The following ZNF215 variants were observed in gnomAD, a reference collection of about 807,000 sequenced individuals.
ZNF215 encodes the protein zinc finger protein 215.
Under a neutral mutation model 27.2 loss-of-function variants are expected in ZNF215, and 24 were observed. The ratio of observed to expected loss-of-function variants is 0.88; its 90% CI spans 0.64 to 1.24. The LOEUF (loss-of-function observed/expected upper bound fraction) is 1.24, where lower values mean the gene tolerates loss of function less well. ZNF215 is among the 50% of genes most tolerant of loss of function. The pLI, the probability that ZNF215 is intolerant of heterozygous loss-of-function variation, is 0.00. For missense variants in ZNF215, 675 were observed against 605.7 expected, an observed-to-expected ratio of 1.11 and a Z score of -1.20; for synonymous variants, 210 against 204.0, an observed-to-expected ratio of 1.03 and a Z score of -0.25.
downstream of ZNF215, among the ~76,000 whole-genome samples, chr11:6,992,683 C>CT (rs1188992897): frequency 1.3e-5 from 2 of 152,204 alleles, no homozygotes; most frequent in African/African-American, 4.8e-5. Context: ...TTTCTTTCAG[C>CT]TTCTACAATG....
rs1205986835 is a variant in ZNF215, at chr11:6,955,840, C to T, written c.863C>T (p.Ala288Val). 3 of 1,613,232 alleles carry T rather than the reference C, an allele frequency of 1.9e-6. No homozygotes were observed. Among genetic ancestry groups the T allele is most frequent in the Non-Finnish European group, 2.5e-6 (3 of 1,179,858 alleles). The change falls in exon 7 of 7, where the codon GCT (alanine) becomes GTT (valine). Residue 288 changes from alanine (A) to valine (V), a missense_variant. Ala to Val is a moderately conservative substitution (Grantham distance 64). Coordinates refer to ENST00000278319, the MANE Select transcript of ZNF215 (RefSeq NM_013250.4). ...TGGGACATAAATTTGCCACAAGAGG[C>T]TTTCATTCCTGAGACAATTTACACT... ...KKWDINLPQE[A>V]FIPETIYTEE...
chr11:6,989,702 C>T (rs1031240848), downstream of ZNF215, among the ~76,000 whole-genome samples: 19 of 152,146 alleles, frequency 1.2e-4, no homozygotes, highest in Admixed American at 2.0e-4. Context: ...CTTCCTGTGA[C>T]CAGCTGACAG....
At chr11:6,946,689 G>T (rs1319393793) in intron 6 of ZNF215, among the ~76,000 whole-genome samples, 1 of 152,074 alleles carries the variant, frequency 6.6e-6, no homozygotes, top group African/African-American at 2.4e-5. Flanking sequence ...GTACGCTTGT[G>T]CAGCACCTTA....
At chr11:6,967,944 C>G (rs772873961) in intron 5 of ZNF215, among the ~76,000 whole-genome samples, 10 of 152,124 alleles carry the variant, frequency 6.6e-5, no homozygotes, top group Non-Finnish European at 1.3e-4. Flanking sequence ...TTTAATCCAT[C>G]TTGAGTTAAT....
chr11:6,953,101 T>G (rs1850149704), intron 6 of ZNF215, among the ~76,000 whole-genome samples: 1 of 152,162 alleles, frequency 6.6e-6, no homozygotes, highest in Admixed American at 6.5e-5. Flanking sequence ...TGCCAAGAGA[T>G]CCGCTGTTAG....
At chr11:6,981,556 G>A (rs1441580949) in intron 5 of ZNF215, among the ~76,000 whole-genome samples, 1 of 151,924 alleles carries the variant, frequency 6.6e-6, no homozygotes, top group East Asian at 1.9e-4. Context: ...CCATTTTGTA[G>A]GTTGCCTGTT....
chr11:6,956,274 A>G lies in ZNF215; in HGVS notation c.1297A>G (p.Lys433Glu), dbSNP rs1362560061. ...GCATCAAAAACTTCATGCTGAAGCA[A>G]AGGCCTGCACAAGCAATAAATGTGG... ...TKHQKLHAEAKACTSNKCGKA... is the reference protein window; with the variant it reads ...TKHQKLHAEAEACTSNKCGKA... Residue 433 changes from lysine to glutamate, a missense_variant, in exon 7 of 7, where the codon AAG (lysine) becomes GAG (glutamate). Physicochemically the swap from Lys to Glu is moderately conservative, Grantham distance 56 (BLOSUM62 1). Transcript: ENST00000278319. The G allele has an allele frequency of 1.2e-6, 2 of 1,614,118 alleles. No homozygotes were observed. Among genetic ancestry groups the G allele is most frequent in the East Asian group, 4.5e-5 (2 of 44,876 alleles).
intron 6 of ZNF215, among the ~76,000 whole-genome samples, chr11:6,945,705 G>C (rs1157508237): frequency 6.6e-6 from 1 of 152,092 alleles, no homozygotes; most frequent in Non-Finnish European, 1.5e-5. Flanking sequence ...TTCTATCTCT[G>C]TCTTTTGCAG....
At chr11:6,991,640 C>T (rs904202239), downstream of ZNF215, among the ~76,000 whole-genome samples, 17 of 152,346 alleles carry the variant, frequency 1.1e-4, no homozygotes, top group Admixed American at 3.3e-4. Context: ...TGTAAGTAAA[C>T]TAAACAATGC....
chr11:6,939,987 C>T (rs980453632), intron 3 of ZNF215, among the ~76,000 whole-genome samples: 1 of 151,790 alleles, frequency 6.6e-6, no homozygotes, highest in Non-Finnish European at 1.5e-5. Context: ...CTTTGGGAGG[C>T]TGAGGCAGGA....
At chr11:6,962,300 T>C (rs1156599744), downstream of ZNF215, among the ~76,000 whole-genome samples, 1 of 152,108 alleles carries the variant, frequency 6.6e-6, no homozygotes, top group Non-Finnish European at 1.5e-5. Flanking sequence ...TCAACCCTCT[T>C]ATCTCCTGCC....
chr11:6,980,671 C>T (rs1209142604), intron 5 of ZNF215, among the ~76,000 whole-genome samples: 1 of 151,452 alleles, frequency 6.6e-6, no homozygotes, highest in Admixed American at 6.6e-5. Flanking sequence ...AGGTTAGTTA[C>T]ATATGTATAC....
At chr11:6,931,321 G>GT (rs1218099985) in intron 2 of ZNF215, among the ~76,000 whole-genome samples, 1 of 152,222 alleles carries the variant, frequency 6.6e-6, no homozygotes, top group East Asian at 1.9e-4. Flanking sequence ...TTGAGTCAGA[G>GT]TGTTTCCTAC....
intron 5 of ZNF215, among the ~76,000 whole-genome samples, chr11:6,964,655 G>A (rs1261868544): frequency 6.7e-6 from 1 of 150,018 alleles, no homozygotes; most frequent in Non-Finnish European, 1.5e-5. Flanking sequence ...ATTTAGCCTT[G>A]AAATCAGATC....
intron 5 of ZNF215, among the ~76,000 whole-genome samples, chr11:6,982,359 G>T (rs983388490): frequency 6.6e-6 from 1 of 152,110 alleles, no homozygotes; most frequent in East Asian, 1.9e-4. Context: ...GAGACAGAAA[G>T]TTAACAAGGA....
intron 5 of ZNF215, among the ~76,000 whole-genome samples, chr11:6,969,127 T>G (rs1378534648): frequency 1.3e-5 from 2 of 152,190 alleles, no homozygotes; most frequent in African/African-American, 4.8e-5. Context: ...CATTTCTAAA[T>G]GAAATCCAAA....
At chr11:6,963,534 C>T (rs181599033) in intron 5 of ZNF215, among the ~76,000 whole-genome samples, 6 of 152,074 alleles carry the variant, frequency 3.9e-5, no homozygotes, top group Admixed American at 3.3e-4. Flanking sequence ...CTCATTCATT[C>T]ACCAGTTGAA....
chr11:6,934,701 A>T (rs1849376233), intron 3 of ZNF215, among the ~76,000 whole-genome samples: 1 of 152,150 alleles, frequency 6.6e-6, no homozygotes, highest in South Asian at 2.1e-4. Context: ...TTCAGGATTC[A>T]TGTAATTAGG....
intron 5 of ZNF215, 87 bp downstream of exon 5, chr11:6,943,302 C>T (rs531405244): frequency 1.3e-6 from 2 of 1,519,570 alleles, no homozygotes; most frequent in East Asian, 2.3e-5. Context: ...TGGCTAAGTT[C>T]ACTTTTGGGT....
Sources: allele counts gnomAD v4.1 joint callset (sites outside exome capture counted in the v4.1 genomes callset), GRCh38; gene constraint gnomAD v4.1.1; transcripts MANE v1.5; gene names NCBI Gene and HGNC (gene_info 2026-07-23, HGNC 2026-07-21).